Variants in TRIM29 observed in about 807,000 individuals in gnomAD.
TRIM29 encodes the protein tripartite motif-containing protein 29.
A neutral mutation model predicts 57.3 loss-of-function variants in TRIM29; 52 were observed. The observed-to-expected ratio is 0.91, with a 90% CI of 0.73 to 1.14. The LOEUF (loss-of-function observed/expected upper bound fraction) is 1.14. Among genes scored for constraint, TRIM29 ranks in the 50% most tolerant of loss-of-function variants. The pLI is 0.00. For missense variants in TRIM29, 753 were observed against 774.6 expected, an observed-to-expected ratio of 0.97 and a Z score of 0.33; for synonymous variants, 319 against 316.9, an observed-to-expected ratio of 1.01 and a Z score of -0.07.
chr11:120,134,926 G>A (rs1000181594), intron 1 of TRIM29, among the ~76,000 whole-genome samples: 1 of 152,168 alleles, frequency 6.6e-6, no homozygotes, highest in Admixed American at 6.5e-5. Flanking sequence ...ACTACGGTTT[G>A]ACGTTAACTT....
At chr11:120,132,821 C>A (rs750648289) in intron 1 of TRIM29, among the ~76,000 whole-genome samples, 5 of 152,196 alleles carry the variant, frequency 3.3e-5, no homozygotes, top group African/African-American at 7.2e-5. Flanking sequence ...CATTTCCACT[C>A]GGACGTAAAA....
At position 120,120,670 on chromosome 11, in the gene TRIM29, G is replaced by A. The variant is rs764485610; in HGVS notation, c.1436-5C>T. 8.1e-6 allele frequency: 13 copies of A among 1,613,536 alleles called. No homozygotes were observed. The highest frequency in any genetic ancestry group is 1.1e-5 in the South Asian group (1 of 90,912). On this transcript the variant is annotated splice_polypyrimidine_tract_variant and splice_region_variant and intron_variant, in intron 5 of 8. Coordinates refer to ENST00000341846, the MANE Select transcript of TRIM29 (RefSeq NM_012101.4). ...GGTATGATGTCCGGACCCCACCTGT[G>A]AAGCAGATGAAGGGGGCTGTCATTG... is the stretch of plus-strand genomic sequence containing the variant.
rs922105776 is a variant in TRIM29 at position 120,117,136 on chromosome 11, G to A, written c.1627+1087C>T. ...AAAGGACCCACACCTCATTCTGGGGGCTGCTCTGAATCACACCTGAGAGCG... is the reference window on the plus strand; with the variant it reads ...AAAGGACCCACACCTCATTCTGGGGACTGCTCTGAATCACACCTGAGAGCG... On this transcript the variant is annotated intron_variant, in intron 7 of 8. Transcript: ENST00000341846. 18 of 304,274 alleles carry A rather than the reference G, an allele frequency of 5.9e-5. No individual in the cohort carries two copies. The East Asian group carries it at 1.8e-3, about 30-fold the overall frequency. The allele number at this position is 304,274 out of a possible 1,614,324, so 18.8% of individuals were successfully genotyped here.
In TRIM29 at chr11:120,111,640, G is replaced by A. The variant is rs1420589699; in HGVS notation, c.*774C>T. 1 of 152,274 alleles carries A rather than the reference G, an allele frequency of 6.6e-6. No individual in the cohort carries two copies. The highest frequency in any genetic ancestry group is 1.5e-5 in the Non-Finnish European group (1 of 68,064). The allele number at this position is 152,274 out of a possible 1,614,324, so 9.4% of individuals were successfully genotyped here. On this transcript the variant is annotated 3_prime_UTR_variant, in exon 9 of 9. Coordinates refer to ENST00000341846, the MANE Select transcript of TRIM29 (RefSeq NM_012101.4). The stretch of plus-strand genomic sequence containing the variant: ...TAGGCAAATGGTAAATGGTAGCTGG[G>A]CCAGTAGCTATTTGCATGGGTGGAT...
At chr11:120,131,350 T>C (rs1291460155) in intron 1 of TRIM29, among the ~76,000 whole-genome samples, 1 of 151,596 alleles carries the variant, frequency 6.6e-6, no homozygotes, top group Non-Finnish European at 1.5e-5. Flanking sequence ...CCCTCAGGAG[T>C]CCATCCTGTG....
chr11:120,133,978 C>A lies in TRIM29; in HGVS notation c.804+3250G>T, dbSNP rs531790601. Among the ~76,000 whole-genome samples the A allele has an allele frequency of 1.2e-4, 19 of 152,228 alleles. No homozygotes were observed. The South Asian group carries it at 3.9e-3, about 32-fold the overall frequency. On this transcript the variant is annotated intron_variant, in intron 1 of 8. Transcript: ENST00000341846. ...CCCCAAGAGCAGCCAGCCGTCCACCCAGGAGGTCTTAACATCCTGGCCTGC... is the reference window on the plus strand; with the variant it reads ...CCCCAAGAGCAGCCAGCCGTCCACCAAGGAGGTCTTAACATCCTGGCCTGC...
chr11:120,120,344 T>TAC (rs71050727), intron 6 of TRIM29, among the ~76,000 whole-genome samples: 4,764 of 138,046 alleles, frequency 0.035, 106 homozygotes, highest in Admixed American at 0.072. Flanking sequence ...CCCACACATG[T>TAC]ACACACACAC....
chr11:120,123,287 G>A (rs11217699), intron 4 of TRIM29: 13,559 of 681,480 alleles, frequency 0.02, 724 homozygotes, highest in East Asian at 0.16. Flanking sequence ...CTTGAACTAA[G>A]CCCTTGTAAA....
intron 4 of TRIM29, chr11:120,125,427 G>A: frequency 2.0e-6 from 1 of 507,248 alleles, no homozygotes; most frequent in Non-Finnish European, 3.5e-6. Flanking sequence ...AACCCACAGA[G>A]AGGAGGCATT....
At chr11:120,115,242 C>T in intron 8 of TRIM29, 96 bp downstream of exon 8, 1 of 1,256,222 alleles carries the variant, frequency 8.0e-7, no homozygotes, top group East Asian at 2.5e-5. Context: ...CAGAGAAGTC[C>T]TCCCACAGGC....
chr11:120,122,643 A>T (rs1863485674), intron 5 of TRIM29, among the ~76,000 whole-genome samples: 2 of 152,220 alleles, frequency 1.3e-5, no homozygotes. Context: ...AGGAAAGAGA[A>T]GCAGAGGTGT....
intron 6 of TRIM29, among the ~76,000 whole-genome samples, chr11:120,120,202 G>C (rs116977755): frequency 0.023 from 3,433 of 151,742 alleles, 71 homozygotes; most frequent in Non-Finnish European, 0.036. Flanking sequence ...CCACACTTAA[G>C]CCCAAGGTGG....
At chr11:120,122,409 C>T (rs562063987) in intron 5 of TRIM29, among the ~76,000 whole-genome samples, 7 of 152,248 alleles carry the variant, frequency 4.6e-5, no homozygotes, top group East Asian at 3.9e-4. Context: ...TGTGCTAGGC[C>T]GGCACCTTGC....
Position 120,137,626 on chromosome 11 carries a change from G to C in TRIM29, c.406C>G (p.Arg136Gly), listed in dbSNP as rs531272292. 1 of 1,613,474 alleles carries C rather than the reference G, an allele frequency of 6.2e-7. No homozygotes were observed. Among genetic ancestry groups the C allele is most frequent in the Non-Finnish European group, 8.5e-7 (1 of 1,180,006 alleles). ...TCCATGATGGACACCGTGGGCTTCC[G>C]GGACTCCGAGAAAATGGACTTGCGC... The part of the protein sequence containing the change: ...ELRKSIFSES[R>G]KPTVSIMEPG... The change falls in exon 1 of 9, where the codon CGG becomes GGG. Residue 136 changes from arginine to glycine, a missense_variant. Physicochemically the swap from Arg to Gly is moderately radical, Grantham distance 125. Coordinates refer to ENST00000341846, the MANE Select transcript of TRIM29 (RefSeq NM_012101.4). The surrounding 1 kb of genome is among the most constrained non-coding windows in gnomAD (Gnocchi z 6.2).
chr11:120,130,753 C>T (rs765391529), intron 1 of TRIM29, among the ~76,000 whole-genome samples: 7 of 152,174 alleles, frequency 4.6e-5, no homozygotes, highest in Non-Finnish European at 8.8e-5. Context: ...GACCAGGGGC[C>T]AGGCTGGGTG....
At chr11:120,127,238 T>A (rs2135015506) in intron 3 of TRIM29, 98 bp downstream of exon 3, 2 of 999,950 alleles carry the variant, frequency 2.0e-6, no homozygotes, top group Middle Eastern at 3.0e-4. Context: ...GACGAATAGG[T>A]GGATAAGTGG....
chr11:120,114,064 A>C (rs1397529206), intron 8 of TRIM29, among the ~76,000 whole-genome samples: 2 of 152,112 alleles, frequency 1.3e-5, no homozygotes, highest in African/African-American at 4.8e-5. Flanking sequence ...CAAGTCAATG[A>C]GACAGCTGGG....
chr11:120,116,361 A>C (rs1320840356), intron 7 of TRIM29: 1 of 152,300 alleles, frequency 6.6e-6, no homozygotes, highest in East Asian at 1.9e-4. Context: ...ACAGGCCATG[A>C]CCTGGATGCT....
chr11:120,112,075 G>T lies in TRIM29; in HGVS notation c.*339C>A. 3.0e-6 allele frequency: 1 copy of T among 329,616 alleles called. No individual in the cohort carries two copies. Among genetic ancestry groups the T allele is most frequent in the South Asian group, 2.7e-5 (1 of 37,262 alleles). The allele number at this position is 329,616 out of a possible 1,614,324, so 20.4% of individuals were successfully genotyped here. A position where few individuals can be genotyped will look rare whatever the true frequency, so the allele number is the denominator to read the frequency against. Reference sequence around the variant, plus strand: ...GGAGAGGCAGGCTGATACCATGCGGGTACTCACTGCTAGCCCCCAGATCCA... The same window carrying T: ...GGAGAGGCAGGCTGATACCATGCGGTTACTCACTGCTAGCCCCCAGATCCA... On this transcript the variant is annotated 3_prime_UTR_variant, in exon 9 of 9. Coordinates refer to ENST00000341846, the MANE Select transcript of TRIM29 (RefSeq NM_012101.4).
Sources: allele counts gnomAD v4.1 joint callset (sites outside exome capture counted in the v4.1 genomes callset), GRCh38; gene constraint gnomAD v4.1.1; non-coding constraint Gnocchi (gnomAD v3.1); transcripts MANE v1.5; gene names NCBI Gene and HGNC (gene_info 2026-07-23, HGNC 2026-07-21).